USP49: variants seen among roughly 807,000 people sequenced by gnomAD.
The protein encoded by USP49 is ubiquitin specific peptidase 49, also known as ubiquitin carboxyl-terminal hydrolase 49.
USP49 carries 24 observed loss-of-function variants against 58.6 expected under a neutral mutation model. That is an observed-to-expected ratio of 0.41 (90% CI 0.30 to 0.58). The LOEUF (loss-of-function observed/expected upper bound fraction) is 0.58. Among genes scored for constraint, USP49 ranks in the 20% least tolerant of loss-of-function variants. The probability of loss-of-function intolerance (pLI) is 0.30; values close to 1 mark genes in which losing one functional copy is unlikely to be tolerated. For synonymous variants in USP49, 408 were observed against 365.1 expected, an observed-to-expected ratio of 1.12 and a Z score of -1.34; for missense variants, 703 against 866.1, an observed-to-expected ratio of 0.81 and a Z score of 2.36.
chr6:41,811,568 T>C (rs1773257995), intron 3 of USP49, among the ~76,000 whole-genome samples: 1 of 152,182 alleles, frequency 6.6e-6, no homozygotes, highest in Non-Finnish European at 1.5e-5. Flanking sequence ...ACTGTAATCT[T>C]CTTCAGAGAG....
intron 7 of USP49, chr6:41,798,085 C>A: frequency 6.5e-6 from 1 of 154,886 alleles, no homozygotes; most frequent in South Asian, 1.8e-4. Flanking sequence ...CCAGGCTAGT[C>A]TTGAACCCTC....
At chr6:41,811,813 G>C (rs1302930796) in intron 3 of USP49, among the ~76,000 whole-genome samples, 2 of 152,118 alleles carry the variant, frequency 1.3e-5, no homozygotes, top group African/African-American at 4.8e-5. Flanking sequence ...TACCAACTAA[G>C]GGTACAAATT....
intron 2 of USP49, among the ~76,000 whole-genome samples, chr6:41,888,749 A>G (rs1561928375): frequency 6.6e-6 from 1 of 152,094 alleles, no homozygotes; most frequent in Non-Finnish European, 1.5e-5. Context: ...CACCGCACCC[A>G]GCCACAAGTG....
chr6:41,845,600 T>A (rs999240003), intron 3 of USP49, among the ~76,000 whole-genome samples: 5 of 151,734 alleles, frequency 3.3e-5, no homozygotes, highest in African/African-American at 1.2e-4. Context: ...GTCAGGAGGC[T>A]CATTTGAGCC....
At chr6:41,833,555 C>G (rs547501897) in intron 3 of USP49, among the ~76,000 whole-genome samples, 2 of 152,298 alleles carry the variant, frequency 1.3e-5, no homozygotes, top group Admixed American at 6.5e-5. Context: ...CATACTCGAA[C>G]AATTTTTGAA....
chr6:41,802,432 A>AC (rs1773023035), intron 5 of USP49, among the ~76,000 whole-genome samples: 1 of 58,796 alleles, frequency 1.7e-5, no homozygotes. Flanking sequence ...ATTTTATTTT[A>AC]TTTATTTATT....
chr6:41,849,481 C>T (rs753849593), intron 3 of USP49, among the ~76,000 whole-genome samples: 5 of 152,194 alleles, frequency 3.3e-5, no homozygotes, highest in African/African-American at 4.8e-5. Context: ...CTCTACCTAA[C>T]AACAGCAGAA....
At chr6:41,862,515 T>C (rs1774240976) in intron 3 of USP49, among the ~76,000 whole-genome samples, 1 of 152,262 alleles carries the variant, frequency 6.6e-6, no homozygotes, top group East Asian at 1.9e-4. Flanking sequence ...AAATATTTTG[T>C]GTTCTAATGA....
chr6:41,860,437 C>T (rs752548980), intron 3 of USP49, among the ~76,000 whole-genome samples: 8 of 151,966 alleles, frequency 5.3e-5, no homozygotes, highest in Non-Finnish European at 1.2e-4. Flanking sequence ...GACTACTATT[C>T]GATGATATTA....
At chr6:41,872,099 G>T (rs1774420639) in intron 2 of USP49, among the ~76,000 whole-genome samples, 1 of 152,214 alleles carries the variant, frequency 6.6e-6, no homozygotes, top group Admixed American at 6.5e-5. Context: ...CTATATGTAA[G>T]CGGCATGCTT....
intron 3 of USP49, among the ~76,000 whole-genome samples, chr6:41,841,543 G>A (rs1773827393): frequency 6.6e-6 from 1 of 152,068 alleles, no homozygotes; most frequent in Admixed American, 6.6e-5. Flanking sequence ...TCTAAATCCT[G>A]AAAATCACAA....
intron 3 of USP49, among the ~76,000 whole-genome samples, chr6:41,836,216 C>T (rs1221795262): frequency 2.0e-5 from 3 of 152,008 alleles, no homozygotes; most frequent in African/African-American, 7.3e-5. Context: ...AAGCAGTACC[C>T]AAAGGCTCTG....
In USP49 at chr6:41,825,949, A is replaced by T. The variant is rs181320941; in HGVS notation, c.-28-18938T>A. ...TCATCACTATACCTACCATTCACAC[A>T]GAAACTTAACAGAACTAATAAGAAC... On this transcript the variant is annotated intron_variant, in intron 3 of 7. Coordinates refer to ENST00000682992, the MANE Select transcript of USP49 (RefSeq NM_001286554.2). 9.2e-5 allele frequency among the ~76,000 whole-genome samples: 14 copies of T among 152,370 alleles called. No homozygotes were observed. The East Asian group carries it at 2.7e-3, about 29-fold the overall frequency.
intron 3 of USP49, among the ~76,000 whole-genome samples, chr6:41,841,429 A>C (rs1436360275): frequency 6.6e-6 from 1 of 152,168 alleles, no homozygotes; most frequent in Non-Finnish European, 1.5e-5. Flanking sequence ...TCATTGCATT[A>C]TAGGTTGCTC....
intron 2 of USP49, chr6:41,873,947 A>G (rs927318376): frequency 6.6e-6 from 1 of 152,246 alleles, no homozygotes; most frequent in African/African-American, 2.4e-5. Context: ...ATACTTTTAA[A>G]TGGGTGGGAA....
At chr6:41,871,689 A>T (rs1774414563) in intron 2 of USP49, 52 bp from the exon 3 acceptor site, 1 of 152,206 alleles carries the variant, frequency 6.6e-6, no homozygotes. Flanking sequence ...GCAAGAAAAA[A>T]GCAATTTCAT....
In USP49 at chr6:41,806,669, C is replaced by G. The variant is rs370899510; in HGVS notation, c.315G>C (p.Gln105His). 2.5e-6 allele frequency: 4 copies of G among 1,614,108 alleles called. No individual in the cohort carries two copies. Among genetic ancestry groups the G allele is most frequent in the African/African-American group, 2.7e-5 (2 of 75,074 alleles). Reference protein sequence around the residue: ...LRSSLLAVRGQKQDTPVRRGR... With the variant: ...LRSSLLAVRGHKQDTPVRRGR... The stretch of plus-strand genomic sequence containing the variant: ...CACGTCTCACCGGCGTGTCCTGTTT[C>G]TGGCCCCGGACCGCCAGGAGGGAGC... The change falls in exon 4 of 8, where the codon CAG (glutamine) becomes CAC (histidine). Residue 105 changes from glutamine (Q) to histidine (H), a missense_variant. Physicochemically the swap from Gln to His is conservative, Grantham distance 24. Around this residue, in one of 6 missense-constraint regions of USP49, gnomAD observed 376 missense variants for 373.5 expected, o/e 1.01. Transcript: ENST00000682992. This position sits in a 1 kb window ranked among gnomAD's most constrained non-coding sequence, Gnocchi z 5.9.
chr6:41,806,250 T>G lies in USP49; in HGVS notation c.734A>C (p.Gln245Pro). The G allele has an allele frequency of 6.2e-7, 1 of 1,608,698 alleles. No individual in the cohort carries two copies. The highest frequency in any genetic ancestry group is 1.1e-5 in the South Asian group (1 of 91,074). The change falls in exon 4 of 8, where the codon CAG becomes CCG. Residue 245 changes from glutamine (Q) to proline (P), a missense_variant. Gln to Pro is a moderately conservative substitution (Grantham distance 76). Coordinates refer to ENST00000682992, the MANE Select transcript of USP49 (RefSeq NM_001286554.2). The surrounding 1 kb of genome is among the most constrained non-coding windows in gnomAD (Gnocchi z 5.9). ...CGTGACGCCTGGGGCCATGGCCGGC[T>G]GGCGACGCAGCTTGAGTGTGGCGGC... ...VPAATLKLRR[Q>P]PAMAPGVTGL...
At chr6:41,844,421 G>A (rs952651771) in intron 3 of USP49, among the ~76,000 whole-genome samples, 9 of 151,688 alleles carry the variant, frequency 5.9e-5, no homozygotes, top group African/African-American at 1.5e-4. Context: ...AGGTTCAAGC[G>A]ATTCTCTTCA....
Sources: gnomAD v4.1 joint callset for allele counts (sites outside exome capture counted in the v4.1 genomes callset) on GRCh38, gnomAD v4.1.1 for gene constraint, gnomAD v4.1.1 regional missense constraint, Gnocchi (gnomAD v3.1) non-coding constraint, MANE v1.5 for transcripts, NCBI Gene and HGNC (gene_info 2026-07-23, HGNC 2026-07-21) for gene names.